CDH12: variants seen among roughly 807,000 people sequenced by gnomAD.
CDH12 encodes cadherin 12.
Under a neutral mutation model 74.1 loss-of-function variants are expected in CDH12, and 41 were observed. The observed-to-expected ratio is 0.55, with a 90% CI of 0.43 to 0.72. The LOEUF (loss-of-function observed/expected upper bound fraction) is 0.72. CDH12 is among the 30% of genes least tolerant of loss of function. The probability of loss-of-function intolerance (pLI) is 0.00; values close to 1 mark genes in which losing one functional copy is unlikely to be tolerated. For synonymous variants in CDH12, 399 were observed against 355.0 expected (o/e 1.12, Z -1.39); for missense variants, 945 against 977.2 (o/e 0.97, Z 0.44).
intron 4 of CDH12, among the ~76,000 whole-genome samples, chr5:22,092,193 A>G (rs1181893430): frequency 6.6e-6 from 1 of 151,922 alleles, no homozygotes; most frequent in Non-Finnish European, 1.5e-5. Flanking sequence ...CTTACACACA[A>G]ACATAGAATA....
At chr5:22,804,462 T>C (rs938252289) in intron 1 of CDH12, among the ~76,000 whole-genome samples, 2 of 152,132 alleles carry the variant, frequency 1.3e-5, no homozygotes, top group Non-Finnish European at 2.9e-5. Flanking sequence ...CCAAGATCTG[T>C]AGGGCAGTCA....
intron 6 of CDH12, among the ~76,000 whole-genome samples, chr5:21,940,327 A>G (rs1487354302): frequency 6.6e-6 from 1 of 152,206 alleles, no homozygotes; most frequent in Non-Finnish European, 1.5e-5. Context: ...GTCTTTGGAT[A>G]TCATTCTGGA....
intron 4 of CDH12, among the ~76,000 whole-genome samples, chr5:22,197,132 T>C (rs1371190796): frequency 1.3e-5 from 2 of 152,114 alleles, no homozygotes; most frequent in Non-Finnish European, 2.9e-5. Flanking sequence ...ACAGGGGCCT[T>C]CAATACCTCA....
chr5:21,793,980 T>C (rs1746640926), intron 10 of CDH12, among the ~76,000 whole-genome samples: 1 of 150,852 alleles, frequency 6.6e-6, no homozygotes, highest in Non-Finnish European at 1.5e-5. Flanking sequence ...TCATATACTT[T>C]GTGCAAAATT....
chr5:22,362,987 C>G (rs986377415), intron 3 of CDH12, among the ~76,000 whole-genome samples: 1 of 150,720 alleles, frequency 6.6e-6, no homozygotes, highest in Non-Finnish European at 1.5e-5. Context: ...TGCTAAATGA[C>G]GAGTTAATGG....
chr5:22,470,823 C>T (rs1259585290), intron 2 of CDH12, among the ~76,000 whole-genome samples: 1 of 149,246 alleles, frequency 6.7e-6, no homozygotes, highest in African/African-American at 2.5e-5. Flanking sequence ...ACTTCTGAGC[C>T]CTTTTTTTTC....
intron 3 of CDH12, among the ~76,000 whole-genome samples, chr5:22,309,593 G>T (rs954399812): frequency 6.6e-6 from 1 of 152,106 alleles, no homozygotes; most frequent in Non-Finnish European, 1.5e-5. Context: ...GTATGTGCGT[G>T]TGTGTGCTAA....
chr5:21,899,367 A>G (rs1056501120), intron 6 of CDH12, among the ~76,000 whole-genome samples: 2 of 152,192 alleles, frequency 1.3e-5, no homozygotes, highest in African/African-American at 4.8e-5. Context: ...GTATAAGGCC[A>G]TTTTAGAAAA....
chr5:22,576,978 C>A (rs1489572616), intron 1 of CDH12, among the ~76,000 whole-genome samples: 1 of 152,090 alleles, frequency 6.6e-6, no homozygotes, highest in East Asian at 1.9e-4. Flanking sequence ...TCTCTAGAAT[C>A]ATATTTACAA....
At chr5:21,973,908 T>A (rs1003300459) in intron 6 of CDH12, among the ~76,000 whole-genome samples, 13 of 152,140 alleles carry the variant, frequency 8.5e-5, no homozygotes, top group African/African-American at 2.4e-4. Context: ...ACCCCAAAAG[T>A]GTAGCAGGTA....
intron 6 of CDH12, among the ~76,000 whole-genome samples, chr5:21,960,524 C>T (rs1756308729): frequency 6.6e-6 from 1 of 152,094 alleles, no homozygotes; most frequent in Admixed American, 6.6e-5. Flanking sequence ...ATTTCTTGGA[C>T]AGTTATTATT....
At chr5:22,093,275 T>C (rs879681442) in intron 4 of CDH12, among the ~76,000 whole-genome samples, 6 of 152,204 alleles carry the variant, frequency 3.9e-5, no homozygotes, top group Admixed American at 3.9e-4. Context: ...TTGTTTGGAC[T>C]ATTTTTAAAA....
intron 1 of CDH12, among the ~76,000 whole-genome samples, chr5:22,848,600 G>A (rs894029509): frequency 1.3e-5 from 2 of 152,024 alleles, no homozygotes; most frequent in African/African-American, 4.8e-5. Flanking sequence ...CTTCTGTCTG[G>A]GATCATTTTC....
At chr5:22,373,550 C>G (rs1261379) in intron 3 of CDH12, among the ~76,000 whole-genome samples, 63,890 of 152,050 alleles carry the variant, frequency 0.42, 14,757 homozygotes, top group Non-Finnish European at 0.52. Flanking sequence ...CAGGCATGCT[C>G]AGAACACTGC....
chr5:22,414,954 ATAT>A (rs1743319348), intron 2 of CDH12, among the ~76,000 whole-genome samples: 1 of 152,132 alleles, frequency 6.6e-6, no homozygotes, highest in African/African-American at 2.4e-5. Flanking sequence ...AGTAACAAAT[ATAT>A]CCCTTTAGTA....
intron 1 of CDH12, among the ~76,000 whole-genome samples, chr5:22,673,047 C>T (rs1490071900): frequency 6.6e-6 from 1 of 151,792 alleles, no homozygotes; most frequent in Non-Finnish European, 1.5e-5. Flanking sequence ...TTGGATCTTT[C>T]ATATTTAATA....
intron 1 of CDH12, among the ~76,000 whole-genome samples, chr5:22,787,675 G>A (rs1052579956): frequency 2.0e-5 from 3 of 151,880 alleles, no homozygotes; most frequent in Admixed American, 1.3e-4. Flanking sequence ...GGGCGCCTTT[G>A]GCTCAGGATC....
chr5:22,070,773 AT>A (rs1395510361), intron 5 of CDH12, among the ~76,000 whole-genome samples: 1 of 152,184 alleles, frequency 6.6e-6, no homozygotes, highest in Non-Finnish European at 1.5e-5. Context: ...ATAGAATTGA[AT>A]TTTTAAATTA....
chr5:22,416,096 A>AC (rs1234661402), intron 2 of CDH12, among the ~76,000 whole-genome samples: 1 of 90,036 alleles, frequency 1.1e-5, no homozygotes, highest in Non-Finnish European at 1.9e-5. Flanking sequence ...TTTTTTTGAG[A>AC]CGGAGTCTCG....
Sources: gnomAD v4.1 joint callset for allele counts (sites outside exome capture counted in the v4.1 genomes callset) on GRCh38, gnomAD v4.1.1 for gene constraint, MANE v1.5 for transcripts, NCBI Gene and HGNC (gene_info 2026-07-23, HGNC 2026-07-21) for gene names.